Variants in MTMR1 observed in about 807,000 individuals in gnomAD.
MTMR1 encodes myotubularin related protein 1, also known as phosphatidylinositol-3-phosphate phosphatase MTMR1.
In MTMR1, 17 loss-of-function variants were observed where a neutral mutation model predicts 51.6. The ratio of observed to expected loss-of-function variants is 0.33; its 90% CI spans 0.23 to 0.49. The LOEUF (loss-of-function observed/expected upper bound fraction) is 0.49, where lower values mean the gene tolerates loss of function less well. Ranked by LOEUF, MTMR1 falls within the 20% of genes least tolerant of loss-of-function variation. The probability of loss-of-function intolerance (pLI) is 0.99; values close to 1 mark genes in which losing one functional copy is unlikely to be tolerated. For missense variants in MTMR1, 386 were observed against 526.9 expected (o/e 0.73, Z 2.62); for synonymous variants, 201 against 205.6 (o/e 0.98, Z 0.19).
chrX:150,760,884 G>A (rs1244991087), intron 15 of MTMR1, among the ~76,000 whole-genome samples: 2 of 106,962 alleles, frequency 1.9e-5, no homozygotes, highest in Non-Finnish European at 3.9e-5. Context: ...CTGAGATCGT[G>A]CCGCTGCACT....
chrX:150,709,695 T>TCACATGGCC (rs1168986669), intron 2 of MTMR1, among the ~76,000 whole-genome samples: 2 of 111,660 alleles, frequency 1.8e-5, no homozygotes, highest in African/African-American at 6.5e-5. Flanking sequence ...TGCTGACGTC[T>TCACATGGCC]CACATGGCCA....
intron 14 of MTMR1, among the ~76,000 whole-genome samples, chrX:150,754,008 A>G (rs2042830818): frequency 8.9e-6 from 1 of 112,784 alleles, no homozygotes; most frequent in Non-Finnish European, 1.9e-5. Context: ...TACGGTGTGA[A>G]TTAAGGATCC....
chrX:150,730,361 C>T, intron 7 of MTMR1, 151 bp downstream of exon 7: 3 of 522,269 alleles, frequency 5.7e-6, no homozygotes, highest in Middle Eastern at 4.7e-4. Flanking sequence ...TTTGTCAGTT[C>T]TGGGTAATGC....
intron 4 of MTMR1, among the ~76,000 whole-genome samples, chrX:150,723,404 G>C (rs1404693359): frequency 2.7e-5 from 3 of 109,910 alleles, no homozygotes; most frequent in Non-Finnish European, 5.7e-5. Flanking sequence ...GGTATTTCTA[G>C]TTCTAGATCC....
chrX:150,744,088 A>T (rs1326521271), intron 12 of MTMR1, among the ~76,000 whole-genome samples: 2 of 112,844 alleles, frequency 1.8e-5, no homozygotes, highest in African/African-American at 6.4e-5. Context: ...ATTTTAACTG[A>T]AAAGTTTGCT....
rs372141004 is a variant in MTMR1, at chrX:150,712,425, G to A, written c.276+60G>A. On this transcript the variant is annotated intron_variant, in intron 3 of 15. Coordinates refer to ENST00000445323, the MANE Select transcript of MTMR1 (RefSeq NM_001306144.3). ...TACTTGTGTGTGTCTGTGCTTTATC[G>A]AACACTTAGTCTATTTAGTGTTCTT... The A allele has an allele frequency of 5.8e-5, 60 of 1,031,922 alleles. No homozygotes were observed. In the South Asian group the frequency reaches 8.7e-4, roughly 15 times the overall value. 85.0% of individuals were successfully genotyped at this position (1,031,922 alleles called of 1,213,427 possible).
chrX:150,756,474 G>GT (rs1218630992), intron 15 of MTMR1, among the ~76,000 whole-genome samples: 1 of 111,461 alleles, frequency 9.0e-6, no homozygotes, highest in African/African-American at 3.3e-5. Context: ...CTGGCTGCGG[G>GT]TTCCTGAAGG....
At chrX:150,723,934 A>G (rs1221082096) in intron 4 of MTMR1, among the ~76,000 whole-genome samples, 1 of 112,091 alleles carries the variant, frequency 8.9e-6, no homozygotes, top group Non-Finnish European at 1.9e-5. Flanking sequence ...TATGGCTGCA[A>G]AATTCCGTGG....
At chrX:150,709,259 G>A (rs1489078422) in intron 2 of MTMR1, among the ~76,000 whole-genome samples, 1 of 112,157 alleles carries the variant, frequency 8.9e-6, no homozygotes, top group Admixed American at 9.4e-5. Context: ...TATTTCAGGA[G>A]AGGGACATGG....
At chrX:150,701,483 C>T (rs56383771) in intron 2 of MTMR1, among the ~76,000 whole-genome samples, 53 of 112,257 alleles carry the variant, frequency 4.7e-4, no homozygotes, top group Non-Finnish European at 9.4e-4. Context: ...ATAGATTAAA[C>T]TCAACATCAG....
At position 150,736,675 on chromosome X, in the gene MTMR1, C is replaced by T; in HGVS notation, c.1161C>T (p.Val387=). 1 of 1,211,398 alleles carries T rather than the reference C, an allele frequency of 8.3e-7. No homozygotes were observed. Among genetic ancestry groups the T allele is most frequent in the Non-Finnish European group, 1.1e-6 (1 of 895,037 alleles). ...TCTTGGAGATCCACAACATTCATGTCATGCGAGAGTCACTACGCAAATTAA... is the reference window on the plus strand; with the variant it reads ...TCTTGGAGATCCACAACATTCATGTTATGCGAGAGTCACTACGCAAATTAA... ...LVFLEIHNIH[V]MRESLRKLKE... is the part of the protein sequence containing the mutation. Residue 387 remains valine, a synonymous_variant, in exon 11 of 16, where the codon GTC becomes GTT. Transcript: ENST00000445323.
chrX:150,710,062 T>C (rs1557416168), intron 2 of MTMR1, among the ~76,000 whole-genome samples: 1 of 111,442 alleles, frequency 9.0e-6, no homozygotes, highest in African/African-American at 3.3e-5. Flanking sequence ...GGTAGAGAGG[T>C]GGAGGAAGGG....
At chrX:150,723,002 TTCCCCCCACCCCACAACAG>T (rs2041803007) in intron 4 of MTMR1, among the ~76,000 whole-genome samples, 1 of 76,445 alleles carries the variant, frequency 1.3e-5, no homozygotes, top group Non-Finnish European at 2.5e-5. Flanking sequence ...TCCCTCCCCC[TTCCCCCCACCCCACAACAG>T]TCCCCAGAGT....
At chrX:150,759,680 G>C (rs1425948221) in intron 15 of MTMR1, among the ~76,000 whole-genome samples, 1 of 109,682 alleles carries the variant, frequency 9.1e-6, no homozygotes, top group African/African-American at 3.3e-5. Flanking sequence ...CTGCGCGACA[G>C]ATCTGTTCCC....
intron 2 of MTMR1, among the ~76,000 whole-genome samples, chrX:150,701,822 C>T (rs781952444): frequency 8.9e-6 from 1 of 111,891 alleles, no homozygotes; most frequent in African/African-American, 3.3e-5. Flanking sequence ...AGCCAATGCA[C>T]TCTAGCCTAG....
intron 15 of MTMR1, among the ~76,000 whole-genome samples, chrX:150,761,213 C>T (rs781954285): frequency 2.7e-5 from 3 of 111,591 alleles, no homozygotes; most frequent in Non-Finnish European, 5.7e-5. Context: ...GGAGCTGGTG[C>T]CACCTCCCAG....
intron 2 of MTMR1, among the ~76,000 whole-genome samples, chrX:150,710,189 C>T (rs1467060865): frequency 5.4e-5 from 6 of 111,463 alleles, no homozygotes; most frequent in African/African-American, 2.0e-4. Context: ...AGGCGCCATG[C>T]TGAGGCAGTA....
intron 9 of MTMR1, among the ~76,000 whole-genome samples, chrX:150,732,268 A>G (rs1174227909): frequency 2.7e-5 from 3 of 111,856 alleles, no homozygotes; most frequent in African/African-American, 9.8e-5. Flanking sequence ...AGATTTTAGT[A>G]ATAGTTTGAT....
At chrX:150,702,356 G>A (rs1190839620) in intron 2 of MTMR1, among the ~76,000 whole-genome samples, 1 of 111,471 alleles carries the variant, frequency 9.0e-6, no homozygotes, top group Non-Finnish European at 1.9e-5. Context: ...GGAAACAAGT[G>A]TCTCATATAT....
Sources: allele counts gnomAD v4.1 joint callset (sites outside exome capture counted in the v4.1 genomes callset), GRCh38; gene constraint gnomAD v4.1.1; transcripts MANE v1.5; gene names NCBI Gene and HGNC (gene_info 2026-07-23, HGNC 2026-07-21).